USP16: variants seen among roughly 807,000 people sequenced by gnomAD.
The protein encoded by USP16 is ubiquitin carboxyl-terminal hydrolase 16.
In USP16, 77 loss-of-function variants were observed where a neutral mutation model predicts 95.9. That is an observed-to-expected ratio of 0.80 (90% CI 0.67 to 0.97). The LOEUF (loss-of-function observed/expected upper bound fraction) is 0.97, where lower values mean the gene tolerates loss of function less well. USP16 is among the 50% of genes least tolerant of loss of function. The pLI, the probability that USP16 is intolerant of heterozygous loss-of-function variation, is 0.00. For missense variants in USP16, 943 were observed against 959.9 expected (o/e 0.98, Z 0.23); for synonymous variants, 303 against 318.2 (o/e 0.95, Z 0.51).
At position 29,043,376 on chromosome 21, in the gene USP16, GGTA is replaced by G. The variant is rs139997608; in HGVS notation, c.1180-44_1180-42del. 3.8e-4 allele frequency: 490 copies of G among 1,278,706 alleles called. 2 individuals are homozygous for G. In the African/African-American group the frequency reaches 6.5e-3, roughly 17 times the overall value. The allele number at this position is 1,278,706 out of a possible 1,614,324, so 79.2% of individuals were successfully genotyped here. On this transcript the variant is annotated intron_variant, in intron 12 of 17. Coordinates refer to ENST00000399976, the MANE Select transcript of USP16 (RefSeq NM_006447.3). ...TAGTGTGGATTTTTTTTCACCAAAT[GGTA>G]GTTGTAAAATTTTGTTTTTGACCTA...
chr21:29,046,438 A>G (rs994491662), intron 13 of USP16, among the ~76,000 whole-genome samples: 1 of 152,126 alleles, frequency 6.6e-6, no homozygotes, highest in Non-Finnish European at 1.5e-5. Context: ...GTGAGCCGCC[A>G]TGCCCAGCCA....
rs771248987 is a variant in USP16 at position 29,025,612 on chromosome 21, T to A, written c.-42+835T>A. On this transcript the variant is annotated intron_variant, in intron 1 of 17. Coordinates refer to ENST00000399976, the MANE Select transcript of USP16 (RefSeq NM_006447.3). ...TCGTCTTTCAAGTTTTCCTATGGAG[T>A]CTAAGCTGCTGCAATCCTCAAACCA... is the stretch of plus-strand genomic sequence containing the variant. 8 of 270,458 alleles carry A rather than the reference T, an allele frequency of 3.0e-5. No individual in the cohort carries two copies. The Admixed American group carries it at 5.2e-4, about 18-fold the overall frequency. The allele number at this position is 270,458 out of a possible 1,614,324, so 16.8% of individuals were successfully genotyped here. A position where few individuals can be genotyped will look rare whatever the true frequency, so the allele number is the denominator to read the frequency against.
intron 7 of USP16, 139 bp from the exon 8 acceptor site, chr21:29,038,887 C>G (rs2085201816): frequency 5.0e-6 from 4 of 806,648 alleles, no homozygotes; most frequent in Non-Finnish European, 7.0e-6. Context: ...GTTTCTATCT[C>G]TTTTGATGTA....
At chr21:29,024,926 A>C in intron 1 of USP16, 149 bp downstream of exon 1, 2 of 792,402 alleles carry the variant, frequency 2.5e-6, no homozygotes, top group Non-Finnish European at 3.4e-6. Flanking sequence ...CTGCGATCTC[A>C]TTGGCTGCAT....
rs1484364216 is a variant in USP16 at position 29,024,706 on chromosome 21, G to A, written c.-113G>A. 2 of 1,289,246 alleles carry A rather than the reference G, an allele frequency of 1.6e-6. No individual in the cohort carries two copies. The highest frequency in any genetic ancestry group is 2.0e-6 in the Non-Finnish European group (2 of 988,714). The allele number at this position is 1,289,246 out of a possible 1,614,324, so 79.9% of individuals were successfully genotyped here. ...CTCCGTCGCTCTCAATTCGTCACCA[G>A]GAGGAAGACGGAGCTGGCTGCCCAG... On this transcript the variant is annotated 5_prime_UTR_variant, in exon 1 of 18. Coordinates refer to ENST00000399976, the MANE Select transcript of USP16 (RefSeq NM_006447.3).
chr21:29,048,882 T>C (rs908709180), intron 15 of USP16, 27 bp downstream of exon 15: 18 of 1,557,912 alleles, frequency 1.2e-5, no homozygotes, highest in Non-Finnish European at 1.5e-5. Flanking sequence ...AAAATTTGTT[T>C]TAAATATGTA....
At chr21:29,048,048 C>CGTGTGTGTGTGTGTGTGT (rs67919060) in intron 14 of USP16, among the ~76,000 whole-genome samples, 32 of 123,790 alleles carry the variant, frequency 2.6e-4, no homozygotes, top group African/African-American at 9.0e-4. Context: ...AGAGACGATA[C>CGTGTGTGTGTGTGTGTGT]GTGTGTGTGT....
In USP16 at chr21:29,043,575, GAAAC is replaced by G. The variant is rs776470744; in HGVS notation, c.1335_1338del (p.Gln446ProfsTer21). Reference sequence around the variant, plus strand: ...GTAAGCACTTACAGAAAAAAGCAAAGAAACAAGCCAAAAAGCAAGCCAAGGTGGG... The same window carrying G: ...GTAAGCACTTACAGAAAAAAGCAAAGAAGCCAAAAAGCAAGCCAAGGTGGG... On this transcript the variant is annotated frameshift_variant, in exon 13 of 18. Coordinates refer to ENST00000399976, the MANE Select transcript of USP16 (RefSeq NM_006447.3). LOFTEE classifies it high-confidence loss of function. 7 of 1,554,488 alleles carry G rather than the reference GAAAC, an allele frequency of 4.5e-6. No individual in the cohort carries two copies. The highest frequency in any genetic ancestry group is 2.5e-5 in the South Asian group (2 of 79,030).
chr21:29,027,366 C>G (rs896504903), intron 1 of USP16, among the ~76,000 whole-genome samples: 10 of 152,296 alleles, frequency 6.6e-5, no homozygotes, highest in Middle Eastern at 3.4e-3. Flanking sequence ...TTGTATTTGG[C>G]TTTGAAGCCA....
intron 15 of USP16, among the ~76,000 whole-genome samples, chr21:29,049,295 G>GTAT (rs1302886389): frequency 6.6e-6 from 1 of 152,152 alleles, no homozygotes; most frequent in African/African-American, 2.4e-5. Flanking sequence ...TGCTATAGCT[G>GTAT]TATAACTTCT....
intron 1 of USP16, chr21:29,024,984 C>T: frequency 2.4e-6 from 1 of 418,674 alleles, no homozygotes; most frequent in East Asian, 9.0e-5. Flanking sequence ...CTGCTGGCGG[C>T]CTTCTCGACC....
At chr21:29,037,741 A>G (rs1478801661) in intron 6 of USP16, among the ~76,000 whole-genome samples, 1 of 151,002 alleles carries the variant, frequency 6.6e-6, no homozygotes, top group Non-Finnish European at 1.5e-5. Context: ...ATGCGCCACC[A>G]CTCCCAGCTA....
chr21:29,046,199 T>C (rs1161499867), intron 13 of USP16, among the ~76,000 whole-genome samples: 1 of 152,202 alleles, frequency 6.6e-6, no homozygotes, highest in Non-Finnish European at 1.5e-5. Context: ...ATAGTGTGCA[T>C]GATCATACCT....
chr21:29,038,212 C>G (rs985771348), intron 6 of USP16, 123 bp from the exon 7 acceptor site: 2 of 620,418 alleles, frequency 3.2e-6, no homozygotes, highest in Admixed American at 3.0e-5. Flanking sequence ...TTTTCATTTT[C>G]CAAGTATAGA....
chr21:29,049,307 A>T (rs2146398158), intron 15 of USP16, among the ~76,000 whole-genome samples: 1 of 152,246 alleles, frequency 6.6e-6, no homozygotes, highest in Middle Eastern at 3.4e-3. Flanking sequence ...ATAACTTCTA[A>T]ACTGTGTTGC....
At position 29,046,141 on chromosome 21, in the gene USP16, T is replaced by A. The variant is rs537896627; in HGVS notation, c.1357-526T>A. 5.3e-5 allele frequency among the ~76,000 whole-genome samples: 8 copies of A among 152,112 alleles called. No homozygotes were observed. The South Asian group carries it at 1.7e-3, about 32-fold the overall frequency. ...ACCTGGCCTAAATAACTTTTCTTCA[T>A]AATTTATTTTTTGAGACAGAGTCTT... On this transcript the variant is annotated intron_variant, in intron 13 of 17. Transcript: ENST00000399976.
chr21:29,041,554 A>T (rs2085243022), intron 10 of USP16, among the ~76,000 whole-genome samples: 1 of 152,164 alleles, frequency 6.6e-6, no homozygotes. Flanking sequence ...TCAGTCTTAG[A>T]GTTCACAAAA....
intron 14 of USP16, among the ~76,000 whole-genome samples, chr21:29,048,347 T>C (rs2146396462): frequency 6.6e-6 from 1 of 152,226 alleles, no homozygotes; most frequent in Non-Finnish European, 1.5e-5. Context: ...CCTCCCAAAG[T>C]CCTGGGATTA....
intron 5 of USP16, 38 bp downstream of exon 5, chr21:29,036,412 G>A (rs777244389): frequency 4.2e-5 from 65 of 1,557,254 alleles, no homozygotes; most frequent in Middle Eastern, 1.7e-4. Context: ...ACCAAATGTC[G>A]ATTTGTGTAT....
Sources: allele counts gnomAD v4.1 joint callset (sites outside exome capture counted in the v4.1 genomes callset), GRCh38; gene constraint gnomAD v4.1.1; transcripts MANE v1.5; gene names NCBI Gene and HGNC (gene_info 2026-07-23, HGNC 2026-07-21).